WIPI2: variants seen among roughly 807,000 people sequenced by gnomAD.
WIPI2 encodes the protein WD repeat domain phosphoinositide-interacting protein 2.
Under a neutral mutation model 52.3 loss-of-function variants are expected in WIPI2, and 28 were observed. That is an observed-to-expected ratio of 0.54 (90% confidence interval 0.40 to 0.73). The LOEUF (loss-of-function observed/expected upper bound fraction) is 0.73. Ranked by LOEUF, WIPI2 falls within the 30% of genes least tolerant of loss-of-function variation. The pLI is 0.00. For synonymous variants in WIPI2, 268 were observed against 245.0 expected, an observed-to-expected ratio of 1.09 and a Z score of -0.88; for missense variants, 506 against 602.9, an observed-to-expected ratio of 0.84 and a Z score of 1.68.
At chr7:5,218,155 G>A in intron 7 of WIPI2, 141 bp downstream of exon 7, 1 of 822,234 alleles carries the variant, frequency 1.2e-6, no homozygotes. Context: ...CACTTGTCAG[G>A]CCACAGGCGT....
intron 1 of WIPI2, among the ~76,000 whole-genome samples, chr7:5,191,706 A>G (rs1261689595): frequency 6.6e-6 from 1 of 152,202 alleles, no homozygotes; most frequent in Non-Finnish European, 1.5e-5. Context: ...GGCATTTGGC[A>G]TCTTACTAAG....
chr7:5,205,332 G>A (rs1000275191), intron 3 of WIPI2, among the ~76,000 whole-genome samples: 2 of 152,172 alleles, frequency 1.3e-5, no homozygotes, highest in Admixed American at 6.5e-5. Flanking sequence ...GTGATTGGTC[G>A]TTCATTTCTG....
At chr7:5,223,112 C>G (rs564525198) in intron 8 of WIPI2, among the ~76,000 whole-genome samples, 2 of 152,212 alleles carry the variant, frequency 1.3e-5, no homozygotes, top group African/African-American at 2.4e-5. Flanking sequence ...GCCTGGAGTT[C>G]TCTTGTCTTC....
At chr7:5,225,644 T>A (rs1455162839) in intron 8 of WIPI2, among the ~76,000 whole-genome samples, 179 bp from the exon 9 acceptor site, 3 of 152,196 alleles carry the variant, frequency 2.0e-5, no homozygotes, top group Non-Finnish European at 4.4e-5. Context: ...GTTCTTAGTA[T>A]TTCCTTTTGA....
chr7:5,203,170 G>C (rs1182670075), intron 3 of WIPI2, among the ~76,000 whole-genome samples: 1 of 152,162 alleles, frequency 6.6e-6, no homozygotes, highest in Non-Finnish European at 1.5e-5. Context: ...TGCATCTTAA[G>C]GTTTGAGAAA....
rs1430644185 is a variant in WIPI2, at chr7:5,231,261, C to CA, written c.*315dup. The CA allele has an allele frequency of 4.0e-6, 1 of 249,450 alleles. No individual in the cohort carries two copies. The highest frequency in any genetic ancestry group is 7.7e-6 in the Non-Finnish European group (1 of 130,318). 15.5% of individuals were successfully genotyped at this position (249,450 alleles called of 1,614,324 possible). ...TGCATGCATGAACGTGCCAAGCCAGCATAGGGGAGCTAGAAGCCACTTTCC... is the reference window on the plus strand; with the variant it reads ...TGCATGCATGAACGTGCCAAGCCAGCAATAGGGGAGCTAGAAGCCACTTTCC... On this transcript the variant is annotated 3_prime_UTR_variant, in exon 13 of 13. Coordinates refer to ENST00000288828, the MANE Select transcript of WIPI2 (RefSeq NM_015610.4).
rs974459857 is a variant in WIPI2, at chr7:5,222,587, C to T, written c.670-15C>T. On this transcript the variant is annotated splice_polypyrimidine_tract_variant and intron_variant, in intron 7 of 12. Coordinates refer to ENST00000288828, the MANE Select transcript of WIPI2 (RefSeq NM_015610.4). ...AACTCAGCTCAAATTCTTCTTTTCT[C>T]TTTTCCTTCCACAGGGGACCGTGAT... 2 of 1,612,650 alleles carry T rather than the reference C, an allele frequency of 1.2e-6. No individual in the cohort carries two copies. Among genetic ancestry groups the T allele is most frequent in the South Asian group, 1.1e-5 (1 of 91,004 alleles).
chr7:5,219,524 A>T (rs1030266033), intron 7 of WIPI2, among the ~76,000 whole-genome samples: 1 of 152,142 alleles, frequency 6.6e-6, no homozygotes, highest in Non-Finnish European at 1.5e-5. Context: ...CTGTGGAGTG[A>T]GAGCAGCAAG....
chr7:5,190,657 G>A (rs1010718249), intron 1 of WIPI2, 164 bp downstream of exon 1: 3 of 595,550 alleles, frequency 5.0e-6, no homozygotes, highest in African/African-American at 2.0e-5. Context: ...TGCAGGGAGG[G>A]GCGCCCTCCA....
At chr7:5,228,594 G>A (rs192784446) in intron 11 of WIPI2, among the ~76,000 whole-genome samples, 3 of 152,358 alleles carry the variant, frequency 2.0e-5, no homozygotes, top group Admixed American at 6.5e-5. Flanking sequence ...TTCAGTGCAC[G>A]TGGCTGAGAG....
chr7:5,204,589 A>G (rs1782200027), intron 3 of WIPI2, among the ~76,000 whole-genome samples: 1 of 152,244 alleles, frequency 6.6e-6, no homozygotes, highest in Non-Finnish European at 1.5e-5. Flanking sequence ...TGCTTTCTGA[A>G]AGGTGTATTC....
In WIPI2 at chr7:5,232,636, T is replaced by C. The variant is rs1226315081; in HGVS notation, c.*1689T>C. 3.9e-6 allele frequency: 1 copy of C among 257,010 alleles called. No homozygotes were observed. The highest frequency in any genetic ancestry group is 7.3e-6 in the Non-Finnish European group (1 of 136,578). The allele number at this position is 257,010 out of a possible 1,614,324, so 15.9% of individuals were successfully genotyped here. On this transcript the variant is annotated 3_prime_UTR_variant, in exon 13 of 13. Transcript: ENST00000288828. ...AGAAGGGCCGCGGCAGCACGCAGCCTTGACCCACGCCTGCGTCTTGTGGTG... is the reference window on the plus strand; with the variant it reads ...AGAAGGGCCGCGGCAGCACGCAGCCCTGACCCACGCCTGCGTCTTGTGGTG...
At chr7:5,225,713 C>T (rs904348502) in intron 8 of WIPI2, 110 bp from the exon 9 acceptor site, 2 of 694,740 alleles carry the variant, frequency 2.9e-6, no homozygotes, top group African/African-American at 3.6e-5. Context: ...ATAAAACTTA[C>T]CAGCAGGCCC....
intron 3 of WIPI2, among the ~76,000 whole-genome samples, chr7:5,212,111 C>T (rs1782589416): frequency 6.6e-6 from 1 of 152,070 alleles, no homozygotes; most frequent in Non-Finnish European, 1.5e-5. Flanking sequence ...TGGGGAATAT[C>T]CAAAATCTGG....
rs1783706189 is a variant in WIPI2 at position 5,231,111 on chromosome 7, G to A, written c.*164G>A. On this transcript the variant is annotated 3_prime_UTR_variant, in exon 13 of 13. Transcript: ENST00000288828. ...TGGTAGTCTAACTCCATAACGCTGA[G>A]GAAATACATCATTTTCACTTCAGTG... 5 of 450,008 alleles carry A rather than the reference G, an allele frequency of 1.1e-5. No individual in the cohort carries two copies. In the South Asian group the frequency reaches 1.8e-4, roughly 16 times the overall value. 27.9% of individuals were successfully genotyped at this position (450,008 alleles called of 1,614,324 possible). A position where few individuals can be genotyped will look rare whatever the true frequency, so the allele number is the denominator to read the frequency against.
rs1464559295 is a variant in WIPI2, at chr7:5,228,153, T to C, written c.1063T>C (p.Tyr355His). Residue 355 changes from tyrosine (Y) to histidine (H), a missense_variant, in exon 11 of 13, where the codon TAC becomes CAC. By Grantham distance (83) the Tyr-to-His change is moderately conservative. Coordinates refer to ENST00000288828, the MANE Select transcript of WIPI2 (RefSeq NM_015610.4). ...GGTGGGTGCCGCCGACGGGTACCTG[T>C]ACATGTACAACCTGGACCCCCAGGA... ...LLVGAADGYL[Y>H]MYNLDPQEGG... 6.2e-7 allele frequency: 1 copy of C among 1,613,944 alleles called. No individual in the cohort carries two copies. Among genetic ancestry groups the C allele is most frequent in the Non-Finnish European group, 8.5e-7 (1 of 1,180,002 alleles).
chr7:5,227,096 A>G lies in WIPI2; in HGVS notation c.849-84A>G. 1 of 1,555,224 alleles carries G rather than the reference A, an allele frequency of 6.4e-7. No individual in the cohort carries two copies. Among genetic ancestry groups the G allele is most frequent in the Middle Eastern group, 1.8e-4 (1 of 5,654 alleles). On this transcript the variant is annotated intron_variant, in intron 9 of 12. Transcript: ENST00000288828. This position sits in a 1 kb window ranked among gnomAD's most constrained non-coding sequence, Gnocchi z 8.1. ...AATGGAGACTTTTGCTGTCGGCTCCAGAGCTGTGCGTCTGTGTGAGTAGGG... is the reference window on the plus strand; with the variant it reads ...AATGGAGACTTTTGCTGTCGGCTCCGGAGCTGTGCGTCTGTGTGAGTAGGG...
rs1783813181 is a variant in WIPI2, at chr7:5,233,207, G to C, written c.*2260G>C. 1 of 152,304 alleles carries C rather than the reference G, an allele frequency of 6.6e-6. No homozygotes were observed. The highest frequency in any genetic ancestry group is 1.5e-5 in the Non-Finnish European group (1 of 68,120). The allele number at this position is 152,304 out of a possible 1,614,324, so 9.4% of individuals were successfully genotyped here. ...GTGTTTGCTGAGCAGCCATTGTGGA[G>C]GGTTACCCGCCTCCACTTTCCCGTT... On this transcript the variant is annotated 3_prime_UTR_variant, in exon 13 of 13. Coordinates refer to ENST00000288828, the MANE Select transcript of WIPI2 (RefSeq NM_015610.4).
intron 3 of WIPI2, among the ~76,000 whole-genome samples, chr7:5,203,695 C>T (rs1356484044): frequency 1.4e-5 from 2 of 138,786 alleles, no homozygotes; most frequent in African/African-American, 5.5e-5. Flanking sequence ...TGTAGTGGCG[C>T]AATCTTGGCT....
Sources: allele counts gnomAD v4.1 joint callset (sites outside exome capture counted in the v4.1 genomes callset), GRCh38; gene constraint gnomAD v4.1.1; non-coding constraint Gnocchi (gnomAD v3.1); transcripts MANE v1.5; gene names NCBI Gene and HGNC (gene_info 2026-07-23, HGNC 2026-07-21).